Variants in DRAM2 observed in about 807,000 individuals in gnomAD.
The protein encoded by DRAM2 is DNA damage regulated autophagy modulator 2.
In DRAM2, 26 loss-of-function variants were observed where a neutral mutation model predicts 33.5. The observed-to-expected ratio is 0.78, with a 90% CI of 0.57 to 1.08. The LOEUF is 1.08. DRAM2 is among the 50% of genes least tolerant of loss of function. DRAM2 has a pLI of 0.00. For synonymous variants in DRAM2, 98 were observed against 109.5 expected, an observed-to-expected ratio of 0.89 and a Z score of 0.66; for missense variants, 311 against 318.1, an observed-to-expected ratio of 0.98 and a Z score of 0.17.
chr1:111,121,388 C>T (rs1039702231), intron 6 of DRAM2, among the ~76,000 whole-genome samples: 8 of 152,044 alleles, frequency 5.3e-5, no homozygotes, highest in African/African-American at 1.9e-4. Flanking sequence ...ATCAACCCTA[C>T]CAACACCCTG....
At chr1:111,134,328 G>A (rs1652717102) in intron 3 of DRAM2, among the ~76,000 whole-genome samples, 1 of 151,732 alleles carries the variant, frequency 6.6e-6, no homozygotes, top group Admixed American at 6.6e-5. Context: ...AAGAAATTTA[G>A]TGTTTTCCAT....
At chr1:111,124,031 G>A (rs1476444738) in intron 6 of DRAM2, among the ~76,000 whole-genome samples, 8 of 152,160 alleles carry the variant, frequency 5.3e-5, no homozygotes, top group Non-Finnish European at 1.0e-4. Flanking sequence ...AACCAAGGCA[G>A]TTTAACCAGA....
Position 111,118,200 on chromosome 1 carries a change from A to G in DRAM2, c.761T>C (p.Ile254Thr). ...AAGTAGCCGTGTTCGTTCATTGTTA[A>G]TAGGGCAAGGTGCAGTGTCATAGAG... The part of the protein sequence containing the change: ...LTLYDTAPCP[I>T]NNERTRLLSR... Residue 254 changes from isoleucine to threonine, a missense_variant, in exon 10 of 10, where the codon ATT (isoleucine) becomes ACT (threonine). Coordinates refer to ENST00000484310, the MANE Select transcript of DRAM2 (RefSeq NM_001349884.2). 6.2e-7 allele frequency: 1 copy of G among 1,613,172 alleles called. No individual in the cohort carries two copies. The highest frequency in any genetic ancestry group is 2.2e-5 in the East Asian group (1 of 44,832).
chr1:111,118,375 A>G, intron 9 of DRAM2, 108 bp from the exon 10 acceptor site: 1 of 713,276 alleles, frequency 1.4e-6, no homozygotes, highest in South Asian at 1.9e-5. Context: ...AATCAATTCT[A>G]ATGGTAGTGA....
chr1:111,138,870 C>T (rs1332387723), intron 2 of DRAM2, among the ~76,000 whole-genome samples: 3 of 152,168 alleles, frequency 2.0e-5, no homozygotes, highest in Non-Finnish European at 2.9e-5. Context: ...ACTGTGATTA[C>T]AATTTTTTAA....
intron 3 of DRAM2, among the ~76,000 whole-genome samples, chr1:111,136,195 A>G (rs1375855014): frequency 1.3e-5 from 2 of 152,136 alleles, no homozygotes; most frequent in Non-Finnish European, 2.9e-5. Context: ...CCTCTGCTCA[A>G]AACTTTTTTT....
At chr1:111,135,049 A>G (rs1245463992) in intron 3 of DRAM2, among the ~76,000 whole-genome samples, 1 of 152,042 alleles carries the variant, frequency 6.6e-6, no homozygotes, top group Non-Finnish European at 1.5e-5. Flanking sequence ...AAAAGGAACA[A>G]ATTTCTCTGT....
rs1649145775 is a variant in DRAM2, at chr1:111,117,451, C to G, written c.*709G>C. The G allele has an allele frequency of 6.6e-6, 1 of 151,790 alleles. No homozygotes were observed. Among genetic ancestry groups the G allele is most frequent in the Non-Finnish European group, 1.5e-5 (1 of 67,910 alleles). 9.4% of individuals were successfully genotyped at this position (151,790 alleles called of 1,614,324 possible). A position where few individuals can be genotyped will look rare whatever the true frequency, so the allele number is the denominator to read the frequency against. On this transcript the variant is annotated 3_prime_UTR_variant, in exon 10 of 10. Coordinates refer to ENST00000484310, the MANE Select transcript of DRAM2 (RefSeq NM_001349884.2). ...AAAGTAAATTTACCTACAGGTGCCT[C>G]TCTCCTTCATTGGTGATTAAAATTT...
intron 3 of DRAM2, among the ~76,000 whole-genome samples, chr1:111,136,733 G>C (rs1016699143): frequency 6.6e-6 from 1 of 152,078 alleles, no homozygotes; most frequent in African/African-American, 2.4e-5. Context: ...TAATTCCTCA[G>C]TCACACTACC....
In DRAM2 at chr1:111,118,796, C is replaced by T. The variant is rs751993216; in HGVS notation, c.693+9G>A. On this transcript the variant is annotated intron_variant, in intron 9 of 9. Coordinates refer to ENST00000484310, the MANE Select transcript of DRAM2 (RefSeq NM_001349884.2). Reference sequence around the variant, plus strand: ...CTGACTGAATAAATCTAATATTGTGCCTTCTTACCTGAAAATCACGAATGT... The same window carrying T: ...CTGACTGAATAAATCTAATATTGTGTCTTCTTACCTGAAAATCACGAATGT... 6.3e-7 allele frequency: 1 copy of T among 1,592,626 alleles called. No homozygotes were observed. The highest frequency in any genetic ancestry group is 1.1e-5 in the South Asian group (1 of 89,246).
rs755870588 is a variant in DRAM2, at chr1:111,131,454, T to C, written c.101A>G (p.His34Arg). ...IFSYITAVTL[H>R]HIDPALPYIS... is the part of the protein sequence containing the mutation. ...ATAAGGTAAAGCCGGGTCTATATGG[T>C]GGAGTGTTACTGCAGTAATGTATGA... The change falls in exon 4 of 10, where the codon CAC (histidine) becomes CGC (arginine). Residue 34 changes from histidine to arginine, a missense_variant. Coordinates refer to ENST00000484310, the MANE Select transcript of DRAM2 (RefSeq NM_001349884.2). 6.2e-7 allele frequency: 1 copy of C among 1,614,096 alleles called. No homozygotes were observed. The highest frequency in any genetic ancestry group is 2.2e-5 in the East Asian group (1 of 44,868).
At chr1:111,138,895 C>T (rs1382666980) in intron 2 of DRAM2, among the ~76,000 whole-genome samples, 1 of 152,158 alleles carries the variant, frequency 6.6e-6, no homozygotes, top group East Asian at 1.9e-4. Context: ...TATTTAAATA[C>T]CCGTGGTAAT....
chr1:111,139,516 T>A lies in DRAM2; in HGVS notation c.-94A>T. 1 of 152,322 alleles carries A rather than the reference T, an allele frequency of 6.6e-6. No homozygotes were observed. The allele number at this position is 152,322 out of a possible 1,614,324, so 9.4% of individuals were successfully genotyped here. A position where few individuals can be genotyped will look rare whatever the true frequency, so the allele number is the denominator to read the frequency against. On this transcript the variant is annotated 5_prime_UTR_variant, in exon 2 of 10. Coordinates refer to ENST00000484310, the MANE Select transcript of DRAM2 (RefSeq NM_001349884.2). ...CAGAACTCACAACAGGAACGTGTAC[T>A]CAACAGGAACGTGTACTCAATTAGC...
At chr1:111,120,365 C>T (rs1368428078) in intron 7 of DRAM2, 151 bp downstream of exon 7, 1 of 467,796 alleles carries the variant, frequency 2.1e-6, no homozygotes, top group East Asian at 4.6e-5. Context: ...GATTGTGAAC[C>T]TAAGAATCTC....
chr1:111,127,345 G>C (rs1651211440), intron 4 of DRAM2, among the ~76,000 whole-genome samples: 1 of 152,066 alleles, frequency 6.6e-6, no homozygotes, highest in African/African-American at 2.4e-5. Context: ...GTTATAGCTG[G>C]TAAGAATCCA....
At chr1:111,131,861 A>G (rs1300375393) in intron 3 of DRAM2, among the ~76,000 whole-genome samples, 1 of 152,124 alleles carries the variant, frequency 6.6e-6, no homozygotes, top group Non-Finnish European at 1.5e-5. Context: ...CTTTTTCTCC[A>G]TCTTCACTGT....
intron 6 of DRAM2, 118 bp from the exon 7 acceptor site, chr1:111,120,811 G>A (rs776867524): frequency 4.9e-6 from 4 of 811,678 alleles, no homozygotes; most frequent in Non-Finnish European, 7.0e-6. Context: ...AGAGAAGCTC[G>A]GCCAATTCTA....
At position 111,124,726 on chromosome 1, in the gene DRAM2, G is replaced by A. The variant is rs780319979; in HGVS notation, c.339+16C>T. The A allele has an allele frequency of 5.0e-6, 8 of 1,612,466 alleles. No individual in the cohort carries two copies. The Middle Eastern group carries it at 5.0e-4, about 100-fold the overall frequency. On this transcript the variant is annotated intron_variant, in intron 6 of 9. Transcript: ENST00000484310. ...TGTACTTAAGGAAAATACCTATGCT[G>A]GGCTAAAACACAAACCTGGAAGTTT...
At chr1:111,123,362 G>A (rs921644513) in intron 6 of DRAM2, among the ~76,000 whole-genome samples, 8 of 152,120 alleles carry the variant, frequency 5.3e-5, no homozygotes, top group Non-Finnish European at 1.2e-4. Flanking sequence ...GTTACTGTCA[G>A]GTGACAAAAA....
Sources: allele counts gnomAD v4.1 joint callset (sites outside exome capture counted in the v4.1 genomes callset), GRCh38; gene constraint gnomAD v4.1.1; transcripts MANE v1.5; gene names NCBI Gene and HGNC (gene_info 2026-07-23, HGNC 2026-07-21).